The following SVEP1 variants were observed in gnomAD, a reference collection of about 807,000 sequenced individuals.
SVEP1 encodes the protein sushi, von Willebrand factor type A, EGF and pentraxin domain containing 1, also known as sushi, von Willebrand factor type A, EGF and pentraxin domain-containing protein 1.
In SVEP1, 164 loss-of-function variants were observed where a neutral mutation model predicts 367.3. The ratio of observed to expected loss-of-function variants is 0.45; its 90% CI spans 0.39 to 0.51. SVEP1 has a LOEUF of 0.51. Among genes scored for constraint, SVEP1 ranks in the 20% least tolerant of loss-of-function variants. The pLI is 0.00. For missense variants in SVEP1, 4,117 were observed against 4,425.3 expected (o/e 0.93, Z 1.98); for synonymous variants, 1,666 against 1,611.6 (o/e 1.03, Z -0.81).
chr9:110,379,445 A>G lies in SVEP1; in HGVS notation c.10310T>C (p.Met3437Thr), dbSNP rs1827401913. The G allele has an allele frequency of 9.9e-6, 16 of 1,613,798 alleles. No individual in the cohort carries two copies. Among genetic ancestry groups the G allele is most frequent in the Non-Finnish European group, 1.3e-5 (15 of 1,179,786 alleles). ...TCCACTGTAACATGAGTAGGTGATC[A>G]TGTCTCCATATTGATAATGTACGCC... is the stretch of plus-strand genomic sequence containing the variant. ...ARGVHYQYGD[M>T]ITYSCYSGYM... The change falls in exon 44 of 48, where the codon ATG becomes ACG. Residue 3437 changes from methionine to threonine, a missense_variant. By Grantham distance (81) the Met-to-Thr change is moderately conservative. Transcript: ENST00000374469.
chr9:110,404,370 G>T lies in SVEP1; in HGVS notation c.9623C>A (p.Ala3208Glu). The change falls in exon 39 of 48, where the codon GCA becomes GAA. Residue 3208 changes from alanine (A) to glutamate (E), a missense_variant. Coordinates refer to ENST00000374469, the MANE Select transcript of SVEP1 (RefSeq NM_153366.4). Reference protein sequence around the residue: ...SVNRQVSVSCAEGYTFEGVNI... With the variant: ...SVNRQVSVSCEEGYTFEGVNI... The stretch of plus-strand genomic sequence containing the variant: ...AACTCCCTCAAAGGTATACCCTTCT[G>T]CACATGACACAGAAACTTGCCTATT... The T allele has an allele frequency of 6.2e-7, 1 of 1,613,906 alleles. No homozygotes were observed. The highest frequency in any genetic ancestry group is 8.5e-7 in the Non-Finnish European group (1 of 1,179,866).
In SVEP1 at chr9:110,558,864, T is replaced by C. The variant is rs567557395; in HGVS notation, c.532-8760A>G. 2.6e-5 allele frequency among the ~76,000 whole-genome samples: 4 copies of C among 152,202 alleles called. No individual in the cohort carries two copies. The South Asian group carries it at 8.3e-4, about 32-fold the overall frequency. On this transcript the variant is annotated intron_variant, in intron 1 of 47. Coordinates refer to ENST00000374469, the MANE Select transcript of SVEP1 (RefSeq NM_153366.4). The stretch of plus-strand genomic sequence containing the variant: ...CAAATATTAAAAGAAACTTTCTCGT[T>C]TATGTGATAAGGCTTATTCCTCAAA...
Position 110,482,368 on chromosome 9 carries a change from G to A in SVEP1, c.2163C>T (p.Val721=). ...GNNRTCDIHI[V]IKGSPCEIPF... Reference sequence around the variant, plus strand: ...GACTTATGAAGACAATACCTTTTATGACAATATGGATATCACATGTCCTGT... The same window carrying A: ...GACTTATGAAGACAATACCTTTTATAACAATATGGATATCACATGTCCTGT... The change falls in exon 11 of 48, where the codon GTC becomes GTT. Residue 721 remains valine, a synonymous_variant. Coordinates refer to ENST00000374469, the MANE Select transcript of SVEP1 (RefSeq NM_153366.4). 1 of 1,611,448 alleles carries A rather than the reference G, an allele frequency of 6.2e-7. No homozygotes were observed. The highest frequency in any genetic ancestry group is 1.7e-5 in the Admixed American group (1 of 59,812).
intron 1 of SVEP1, among the ~76,000 whole-genome samples, chr9:110,574,438 A>G (rs574717868): frequency 6.6e-6 from 1 of 152,380 alleles, no homozygotes; most frequent in African/African-American, 2.4e-5. Context: ...ACCACTCTGC[A>G]CACACGTGGG....
intron 12 of SVEP1, among the ~76,000 whole-genome samples, chr9:110,480,143 G>A (rs35408919): frequency 0.25 from 37,566 of 152,122 alleles, 5,588 homozygotes; most frequent in Non-Finnish European, 0.32. Flanking sequence ...TTAAAAAATA[G>A]GCATTGAAAC....
intron 1 of SVEP1, among the ~76,000 whole-genome samples, chr9:110,572,789 C>CAAAAAAAAAAAAAAAAAAAAAAAAAAAA (rs56077443): frequency 5.2e-4 from 40 of 76,514 alleles, no homozygotes; most frequent in East Asian, 8.0e-4. Context: ...CTCTCTCTCA[C>CAAAAAAAAAAAAAAAAAAAAAAAAAAAA]AAAAAAAAAA....
At chr9:110,535,401 G>A (rs771126963) in intron 3 of SVEP1, among the ~76,000 whole-genome samples, 4 of 152,136 alleles carry the variant, frequency 2.6e-5, no homozygotes, top group Non-Finnish European at 4.4e-5. Context: ...CCAGTACCAT[G>A]CTATTTTGGT....
chr9:110,507,496 C>T (rs944436209), intron 5 of SVEP1, among the ~76,000 whole-genome samples: 2 of 152,144 alleles, frequency 1.3e-5, no homozygotes, highest in African/African-American at 4.8e-5. Flanking sequence ...GTTTAGGATC[C>T]ATTACTCCTT....
At chr9:110,435,209 T>G (rs1174212147) in intron 29 of SVEP1, 32 bp downstream of exon 29, 1 of 1,608,450 alleles carries the variant, frequency 6.2e-7, no homozygotes, top group South Asian at 1.1e-5. Flanking sequence ...GGTCAAGAGA[T>G]AGTGGAGTCT....
chr9:110,401,055 C>A (rs1827853033), intron 39 of SVEP1, 46 bp from the exon 40 acceptor site: 1 of 1,591,974 alleles, frequency 6.3e-7, no homozygotes, highest in Admixed American at 1.9e-5. Context: ...GAAGTTAATA[C>A]ATATGAATGA....
intron 22 of SVEP1, among the ~76,000 whole-genome samples, chr9:110,452,397 T>TC (rs1828706975): frequency 6.6e-6 from 1 of 152,204 alleles, no homozygotes; most frequent in African/African-American, 2.4e-5. Context: ...ACACCAGGTG[T>TC]CGCTAATATG....
intron 36 of SVEP1, among the ~76,000 whole-genome samples, chr9:110,426,190 G>A (rs937035384): frequency 6.6e-6 from 1 of 152,096 alleles, no homozygotes; most frequent in African/African-American, 2.4e-5. Context: ...GTTAAGATTT[G>A]GGCTTCAGTT....
rs202205164 is a variant in SVEP1, at chr9:110,407,415, G to A, written c.8185C>T (p.Arg2729Cys). ...LPTAPENGFL[R>C]FTETSMGSAV... ...CTTCCCATGCTAGTCTCTGTAAAAC[G>A]CAAAAAGCCATTTTCAGGAGCAGTA... Residue 2729 changes from arginine (R) to cysteine (C), a missense_variant, in exon 38 of 48, where the codon CGT becomes TGT. By Grantham distance (180) the Arg-to-Cys change is radical (BLOSUM62 -3). Transcript: ENST00000374469. 11 of 1,613,950 alleles carry A rather than the reference G, an allele frequency of 6.8e-6. No individual in the cohort carries two copies. Among genetic ancestry groups the A allele is most frequent in the East Asian group, 2.2e-5 (1 of 44,880 alleles).
intron 1 of SVEP1, among the ~76,000 whole-genome samples, chr9:110,576,435 T>C (rs1419549284): frequency 6.6e-6 from 1 of 152,218 alleles, no homozygotes; most frequent in Non-Finnish European, 1.5e-5. Context: ...AATATATGTA[T>C]GAAAACATGC....
intron 26 of SVEP1, 126 bp downstream of exon 26, chr9:110,445,711 A>G: frequency 1.0e-6 from 1 of 993,822 alleles, no homozygotes; most frequent in Non-Finnish European, 1.5e-6. Flanking sequence ...CCATTTGATT[A>G]TTGACACCCT....
In SVEP1 at chr9:110,365,884, T is replaced by A. The variant is rs1827191544; in HGVS notation, c.*655A>T. The A allele has an allele frequency of 6.6e-6, 1 of 152,252 alleles. No individual in the cohort carries two copies. The highest frequency in any genetic ancestry group is 1.5e-5 in the Non-Finnish European group (1 of 68,050). 9.4% of individuals were successfully genotyped at this position (152,252 alleles called of 1,614,324 possible). A position where few individuals can be genotyped will look rare whatever the true frequency, so the allele number is the denominator to read the frequency against. ...TGCTGTTTCTCCACATCCATGAAGT[T>A]AATGCCTACGGCTTTTCAAATGTTG... On this transcript the variant is annotated 3_prime_UTR_variant, in exon 48 of 48. Coordinates refer to ENST00000374469, the MANE Select transcript of SVEP1 (RefSeq NM_153366.4).
chr9:110,379,551 C>T lies in SVEP1; in HGVS notation c.10238-34G>A, dbSNP rs546497564. Reference sequence around the variant, plus strand: ...TAACAAAACAACAATTAAGCTTGTGCTATTAACACAGACTGAGAACACAGT... The same window carrying T: ...TAACAAAACAACAATTAAGCTTGTGTTATTAACACAGACTGAGAACACAGT... On this transcript the variant is annotated intron_variant, in intron 43 of 47. Transcript: ENST00000374469. 4.9e-5 allele frequency: 78 copies of T among 1,606,628 alleles called. 2 individuals are homozygous for T. In the South Asian group the frequency reaches 8.3e-4, roughly 17 times the overall value.
At chr9:110,495,050 C>T (rs1588080481) in intron 8 of SVEP1, among the ~76,000 whole-genome samples, 1 of 152,200 alleles carries the variant, frequency 6.6e-6, no homozygotes, top group East Asian at 1.9e-4. Context: ...AACTTCAAAA[C>T]TCTCTTACTT....
Position 110,503,113 on chromosome 9 carries a change from A to G in SVEP1, c.1408T>C (p.Tyr470His). ...AGCTTATCACTGCCTTCTAGTCTGT[A>G]CCCTTCATCACAGGCAACCAAACAT... Reference protein sequence around the residue: ...TTCLVACDEGYRLEGSDKLTC... With the variant: ...TTCLVACDEGHRLEGSDKLTC... The change falls in exon 6 of 48, where the codon TAC (tyrosine) becomes CAC (histidine). Residue 470 changes from tyrosine to histidine, a missense_variant. By Grantham distance (83) the Tyr-to-His change is moderately conservative. Transcript: ENST00000374469. The G allele has an allele frequency of 6.2e-7, 1 of 1,612,422 alleles. No individual in the cohort carries two copies. The highest frequency in any genetic ancestry group is 8.5e-7 in the Non-Finnish European group (1 of 1,178,758).
Sources: allele counts gnomAD v4.1 joint callset (sites outside exome capture counted in the v4.1 genomes callset), GRCh38; gene constraint gnomAD v4.1.1; transcripts MANE v1.5; gene names NCBI Gene and HGNC (gene_info 2026-07-23, HGNC 2026-07-21).